The following DSN1 variants were observed in gnomAD, a reference collection of about 807,000 sequenced individuals.
DSN1 encodes the protein DSN1 component of MIS12 kinetochore complex, also known as kinetochore-associated protein DSN1 homolog.
DSN1 carries 31 observed loss-of-function variants against 45.7 expected under a neutral mutation model. The observed-to-expected ratio is 0.68, with a 90% CI of 0.51 to 0.92. The LOEUF (loss-of-function observed/expected upper bound fraction) is 0.92, where lower values mean the gene tolerates loss of function less well. Among genes scored for constraint, DSN1 ranks in the 40% least tolerant of loss-of-function variants. The pLI is 0.00. For synonymous variants in DSN1, 134 were observed against 142.3 expected, an observed-to-expected ratio of 0.94 and a Z score of 0.41; for missense variants, 394 against 414.2, an observed-to-expected ratio of 0.95 and a Z score of 0.42.
At chr20:36,755,419 G>A (rs1461128330) in intron 9 of DSN1, among the ~76,000 whole-genome samples, 1 of 151,922 alleles carries the variant, frequency 6.6e-6, no homozygotes, top group Non-Finnish European at 1.5e-5. Context: ...CACCTCAGAG[G>A]AGCCTTCAAT....
intron 5 of DSN1, among the ~76,000 whole-genome samples, chr20:36,764,006 G>C (rs1341893789): frequency 6.6e-6 from 1 of 151,760 alleles, no homozygotes; most frequent in Non-Finnish European, 1.5e-5. Context: ...TTGAGCCCAG[G>C]AGTTCAAGAC....
chr20:36,771,474 C>G lies in DSN1; in HGVS notation c.-15-1G>C. On this transcript the variant is annotated splice_acceptor_variant, in intron 1 of 10. Coordinates refer to ENST00000373750, the MANE Select transcript of DSN1 (RefSeq NM_001145315.2). LOFTEE classifies it low-confidence loss of function (5UTR_SPLICE). ...CTGAAGTCATCCTAGGTGGTAAACT[C>G]TGAAAATAGGAAAATGGAAGTGATC... The G allele has an allele frequency of 2.5e-6, 4 of 1,613,322 alleles. No individual in the cohort carries two copies. Among genetic ancestry groups the G allele is most frequent in the Non-Finnish European group, 3.4e-6 (4 of 1,179,476 alleles).
chr20:36,772,597 T>C (rs1259212897), intron 1 of DSN1, among the ~76,000 whole-genome samples: 1 of 152,226 alleles, frequency 6.6e-6, no homozygotes, highest in African/African-American at 2.4e-5. Context: ...GCCCAGTCTA[T>C]TCTTCAGACA....
chr20:36,755,908 C>A (rs1054159969), intron 8 of DSN1, 79 bp from the exon 9 acceptor site: 12 of 1,510,204 alleles, frequency 7.9e-6, no homozygotes, highest in Non-Finnish European at 9.0e-6. Flanking sequence ...TCCTATAAAG[C>A]TGAATCAGTA....
At chr20:36,767,029 GGCACAGTGGCTTACGTCTGTAATCCCA>G (rs1987377294) in intron 4 of DSN1, among the ~76,000 whole-genome samples, 188 bp from the exon 5 acceptor site, 1 of 151,930 alleles carries the variant, frequency 6.6e-6, no homozygotes, top group Admixed American at 6.6e-5. Flanking sequence ...TTGTTGACCA[GGCACAGTGGCTTACGTCTGTAATCCCA>G]GCACTTTGGG....
chr20:36,767,948 T>C, intron 4 of DSN1, 21 bp downstream of exon 4: 1 of 1,612,350 alleles, frequency 6.2e-7, no homozygotes, highest in African/African-American at 1.3e-5. Context: ...CAAAAACATT[T>C]CCTAGTTATA....
At chr20:36,764,023 G>A (rs1987176907) in intron 5 of DSN1, among the ~76,000 whole-genome samples, 2 of 151,830 alleles carry the variant, frequency 1.3e-5, no homozygotes, top group South Asian at 4.2e-4. Flanking sequence ...AGACCAGCCT[G>A]AGCAACACAG....
chr20:36,761,998 G>C (rs972101612), intron 6 of DSN1, among the ~76,000 whole-genome samples: 23 of 151,128 alleles, frequency 1.5e-4, no homozygotes, highest in Non-Finnish European at 2.8e-4. Context: ...TACAGAGCAA[G>C]ACTCCGAATC....
chr20:36,760,209 A>C (rs1986900915), intron 6 of DSN1, among the ~76,000 whole-genome samples: 4 of 151,946 alleles, frequency 2.6e-5, no homozygotes, highest in Admixed American at 1.3e-4. Flanking sequence ...GTGCCACTGC[A>C]CTCCAGCCTG....
intron 5 of DSN1, among the ~76,000 whole-genome samples, chr20:36,764,272 C>T (rs1987191420): frequency 6.6e-6 from 1 of 151,766 alleles, no homozygotes; most frequent in African/African-American, 2.4e-5. Context: ...CTCTGCTAGA[C>T]TTGAAGAGTC....
At position 36,751,886 on chromosome 20, in the gene DSN1, T is replaced by G. The variant is rs906840973; in HGVS notation, c.*902A>C. On this transcript the variant is annotated 3_prime_UTR_variant, in exon 11 of 11. Transcript: ENST00000373750. ...TGAATAGTAGTACTTACTCCTTTCT[T>G]GTCATGAATCCAGGATTTAGGTCAA... 3 of 150,938 alleles carry G rather than the reference T, an allele frequency of 2.0e-5. No individual in the cohort carries two copies. Among genetic ancestry groups the G allele is most frequent in the African/African-American group, 7.5e-5 (3 of 40,220 alleles). 9.3% of individuals were successfully genotyped at this position (150,938 alleles called of 1,614,324 possible).
intron 2 of DSN1, 28 bp from the exon 3 acceptor site, chr20:36,771,221 T>A (rs955206740): frequency 1.9e-5 from 30 of 1,543,602 alleles, no homozygotes; most frequent in East Asian, 1.4e-4. Context: ...AAAGTCAAAA[T>A]ACAAGATCAA....
rs1987775596 is a variant in DSN1 at position 36,773,763 on chromosome 20, C to T, written c.-117G>A. On this transcript the variant is annotated 5_prime_UTR_variant, in exon 1 of 11. Coordinates refer to ENST00000373750, the MANE Select transcript of DSN1 (RefSeq NM_001145315.2). ...TCCCTGATCAGGGTGAAGCGGTCTC[C>T]ACCTTCTACGTCACGGTCACCGCCT... The T allele has an allele frequency of 1.0e-6, 1 of 985,410 alleles. No individual in the cohort carries two copies. Among genetic ancestry groups the T allele is most frequent in the African/African-American group, 1.7e-5 (1 of 57,256 alleles). 61.0% of individuals were successfully genotyped at this position (985,410 alleles called of 1,614,324 possible).
chr20:36,760,349 T>C (rs539170000), intron 6 of DSN1, among the ~76,000 whole-genome samples: 85 of 152,360 alleles, frequency 5.6e-4, no homozygotes, highest in African/African-American at 2.0e-3. Context: ...CTCTGTGTTC[T>C]GGTACCGTCC....
intron 6 of DSN1, among the ~76,000 whole-genome samples, chr20:36,759,923 A>T (rs1038984196): frequency 6.6e-6 from 1 of 151,906 alleles, no homozygotes. Context: ...ATATTTCTCT[A>T]ATTTCTTTTT....
chr20:36,760,781 G>A (rs530868588), intron 6 of DSN1, among the ~76,000 whole-genome samples: 15 of 152,160 alleles, frequency 9.9e-5, no homozygotes, highest in Middle Eastern at 3.4e-3. Flanking sequence ...CTAGCTACTC[G>A]GGTTAGGCTG....
Position 36,755,712 on chromosome 20 carries a change from C to G in DSN1, c.843G>C (p.Gln281His). The change falls in exon 9 of 11, where the codon CAG becomes CAC. Residue 281 changes from glutamine (Q) to histidine (H), a missense_variant. Physicochemically the swap from Gln to His is conservative, Grantham distance 24 (BLOSUM62 0). Transcript: ENST00000373750. ...KPDYQKILQNQSKVFDCMELV... is the reference protein window; with the variant it reads ...KPDYQKILQNHSKVFDCMELV... ...ACTCCATACAGTCAAAGACTTTGCTCTGGTTCTGTAATATTTTCTGGTAGT... is the reference window on the plus strand; with the variant it reads ...ACTCCATACAGTCAAAGACTTTGCTGTGGTTCTGTAATATTTTCTGGTAGT... 1 of 1,613,998 alleles carries G rather than the reference C, an allele frequency of 6.2e-7. No homozygotes were observed. The highest frequency in any genetic ancestry group is 8.5e-7 in the Non-Finnish European group (1 of 1,179,980).
intron 2 of DSN1, 77 bp downstream of exon 2, chr20:36,771,348 G>A: frequency 6.5e-7 from 1 of 1,533,456 alleles, no homozygotes; most frequent in Non-Finnish European, 8.9e-7. Context: ...AATCTACCAG[G>A]AGCCAGGAAA....
At chr20:36,761,043 G>T (rs1244482564) in intron 6 of DSN1, among the ~76,000 whole-genome samples, 2 of 152,140 alleles carry the variant, frequency 1.3e-5, no homozygotes, top group Admixed American at 6.5e-5. Flanking sequence ...TGGAAATTAG[G>T]GTGTTAAGGA....
Sources: allele counts gnomAD v4.1 joint callset (sites outside exome capture counted in the v4.1 genomes callset), GRCh38; gene constraint gnomAD v4.1.1; transcripts MANE v1.5; gene names NCBI Gene and HGNC (gene_info 2026-07-23, HGNC 2026-07-21).